FBXO25: variants seen among roughly 807,000 people sequenced by gnomAD.
FBXO25 encodes F-box only protein 25.
In FBXO25, 45 loss-of-function variants were observed where a neutral mutation model predicts 51.9. The ratio of observed to expected loss-of-function variants is 0.87; its 90% CI spans 0.68 to 1.11. The LOEUF (loss-of-function observed/expected upper bound fraction) is 1.11, where lower values mean the gene tolerates loss of function less well. Ranked by LOEUF, FBXO25 falls within the 50% of genes most tolerant of loss-of-function variation. FBXO25 has a pLI of 0.00. For missense variants in FBXO25, 507 were observed against 428.5 expected, an observed-to-expected ratio of 1.18 and a Z score of -1.62; for synonymous variants, 199 against 151.0, an observed-to-expected ratio of 1.32 and a Z score of -2.33.
At chr8:460,085 G>C (rs1799710474) in intron 8 of FBXO25, among the ~76,000 whole-genome samples, 2 of 152,252 alleles carry the variant, frequency 1.3e-5, no homozygotes, top group Admixed American at 1.3e-4. Context: ...TAGGAAAAGA[G>C]GTAAATGAAG....
In FBXO25 at chr8:433,083, A is replaced by T; in HGVS notation, c.288+148A>T. On this transcript the variant is annotated intron_variant, in intron 4 of 9. Transcript: ENST00000350302. ...GGTTCACATTCTGACAGATAATAGC[A>T]TATGAGGAGCTTTTGAGGCAGTGAT... 2.6e-6 allele frequency: 3 copies of T among 1,163,998 alleles called. 1 individual carries two copies. The highest frequency in any genetic ancestry group is 3.3e-5 in the South Asian group (2 of 61,138). The allele number at this position is 1,163,998 out of a possible 1,614,324, so 72.1% of individuals were successfully genotyped here. A position where few individuals can be genotyped will look rare whatever the true frequency, so the allele number is the denominator to read the frequency against.
At position 468,775 on chromosome 8, in the gene FBXO25, C is replaced by G; in HGVS notation, c.1048C>G (p.Gln350Glu). Residue 350 changes from glutamine to glutamate, a missense_variant, in exon 10 of 10, where the codon CAG becomes GAG. Transcript: ENST00000350302. ...CAGCTGCTTCACGCCTGTGTCTCCG[C>G]AGCACTTCATCGACCTCTTCAAGTT... ...PDSCFTPVSP[Q>E]HFIDLFKF 1 of 1,614,056 alleles carries G rather than the reference C, an allele frequency of 6.2e-7. No individual in the cohort carries two copies. Among genetic ancestry groups the G allele is most frequent in the Non-Finnish European group, 8.5e-7 (1 of 1,180,008 alleles).
chr8:425,876 G>A (rs1797442315), intron 2 of FBXO25, among the ~76,000 whole-genome samples: 1 of 148,976 alleles, frequency 6.7e-6, no homozygotes, highest in Non-Finnish European at 1.5e-5. Flanking sequence ...TGGTATTTAG[G>A]AGGGCTTTCT....
At chr8:462,077 G>T (rs1799852652) in intron 8 of FBXO25, among the ~76,000 whole-genome samples, 1 of 152,188 alleles carries the variant, frequency 6.6e-6, no homozygotes, top group South Asian at 2.1e-4. Flanking sequence ...TTGCCAGACT[G>T]TTTGCAAAGT....
chr8:444,370 T>TCCAA (rs1798611259), intron 5 of FBXO25, among the ~76,000 whole-genome samples: 1 of 152,214 alleles, frequency 6.6e-6, no homozygotes, highest in African/African-American at 2.4e-5. Context: ...TACTCCCAGA[T>TCCAA]CCAAGGGTGT....
intron 7 of FBXO25, among the ~76,000 whole-genome samples, chr8:454,964 A>G (rs1220513317): frequency 6.6e-6 from 1 of 152,080 alleles, no homozygotes; most frequent in African/African-American, 2.4e-5. Flanking sequence ...GTCAGTGCTT[A>G]ACAACTGGCT....
chr8:454,824 G>A (rs1252158004), intron 7 of FBXO25, among the ~76,000 whole-genome samples: 15 of 148,290 alleles, frequency 1.0e-4, no homozygotes, highest in African/African-American at 3.8e-4. Flanking sequence ...CCAGGAAGCA[G>A]AGGTTGCAGT....
chr8:468,198 C>T, intron 9 of FBXO25: 1 of 1,012,256 alleles, frequency 9.9e-7, no homozygotes, highest in Non-Finnish European at 1.2e-6. Flanking sequence ...GCATGGCCAG[C>T]TCCCTTGGAG....
At chr8:433,668 TA>T (rs762511648) in intron 4 of FBXO25, among the ~76,000 whole-genome samples, 4 of 152,196 alleles carry the variant, frequency 2.6e-5, no homozygotes, top group Non-Finnish European at 5.9e-5. Context: ...TTTATAGGCC[TA>T]GAAACTCTGC....
chr8:439,294 C>T (rs1027804969), intron 5 of FBXO25, among the ~76,000 whole-genome samples: 3 of 152,148 alleles, frequency 2.0e-5, no homozygotes, highest in African/African-American at 2.4e-5. Context: ...ACGAACAGCC[C>T]GAGGCTTGGG....
rs145862082 is a variant in FBXO25, at chr8:475,624, T to G, written c.*6820T>G. 2.6e-5 allele frequency: 4 copies of G among 152,204 alleles called. No individual in the cohort carries two copies. The highest frequency in any genetic ancestry group is 4.4e-5 in the Non-Finnish European group (3 of 68,022). The allele number at this position is 152,204 out of a possible 1,614,324, so 9.4% of individuals were successfully genotyped here. ...GTGTTTTATGGTTTTCAAGTACAAGTCTTTTGCTTCCTTAAGTTTATTCCT... is the reference window on the plus strand; with the variant it reads ...GTGTTTTATGGTTTTCAAGTACAAGGCTTTTGCTTCCTTAAGTTTATTCCT... On this transcript the variant is annotated 3_prime_UTR_variant, in exon 10 of 10. Coordinates refer to ENST00000350302, the MANE Select transcript of FBXO25 (RefSeq NM_183420.2).
chr8:413,074 A>G lies in FBXO25; in HGVS notation c.-6A>G. 1 of 1,494,938 alleles carries G rather than the reference A, an allele frequency of 6.7e-7. No individual in the cohort carries two copies. The highest frequency in any genetic ancestry group is 8.9e-7 in the Non-Finnish European group (1 of 1,124,766). The allele number at this position is 1,494,938 out of a possible 1,614,324, so 92.6% of individuals were successfully genotyped here. A position where few individuals can be genotyped will look rare whatever the true frequency, so the allele number is the denominator to read the frequency against. The stretch of plus-strand genomic sequence containing the variant: ...TAACATAATTTAACTTTTTCATAGG[A>G]GAACTATGCCATTTTTGGGTCAGGA... On this transcript the variant is annotated splice_region_variant and 5_prime_UTR_variant, in exon 2 of 10. Transcript: ENST00000350302.
At chr8:418,857 A>C (rs566383401) in intron 2 of FBXO25, among the ~76,000 whole-genome samples, 1 of 152,182 alleles carries the variant, frequency 6.6e-6, no homozygotes, top group African/African-American at 2.4e-5. Context: ...GTGAACCTCT[A>C]CTACTCACTC....
At position 431,333 on chromosome 8, in the gene FBXO25, T is replaced by C. The variant is rs759785381; in HGVS notation, c.135-8T>C. 5.1e-6 allele frequency: 7 copies of C among 1,367,024 alleles called. No individual in the cohort carries two copies. In the East Asian group the frequency reaches 1.2e-4, roughly 24 times the overall value. 84.7% of individuals were successfully genotyped at this position (1,367,024 alleles called of 1,614,324 possible). On this transcript the variant is annotated splice_polypyrimidine_tract_variant and splice_region_variant and intron_variant, in intron 2 of 9. Transcript: ENST00000350302. ...AAAATATTTTAATAGAATGTGTCTT[T>C]ATTTCAGTATCTTAAATAGTGAAGA...
rs1350901681 is a variant in FBXO25 at position 458,184 on chromosome 8, TCTC to T, written c.661-177_661-175del. On this transcript the variant is annotated intron_variant, in intron 7 of 9. Transcript: ENST00000350302. ...GTCACGCTGTGCAGCCCTCTCTTGC[TCTC>T]CTCCTCCAGCCTTCCCCACGGTGGT... 3.9e-5 allele frequency among the ~76,000 whole-genome samples: 6 copies of T among 152,298 alleles called. No individual in the cohort carries two copies. In the East Asian group the frequency reaches 9.6e-4, roughly 24 times the overall value.
chr8:453,268 C>G (rs1378614512), intron 7 of FBXO25, among the ~76,000 whole-genome samples: 1 of 152,170 alleles, frequency 6.6e-6, no homozygotes, highest in Non-Finnish European at 1.5e-5. Flanking sequence ...CCATCAGAGA[C>G]CTTGAACTTG....
chr8:436,975 G>C (rs538659235), intron 5 of FBXO25, among the ~76,000 whole-genome samples: 4 of 152,242 alleles, frequency 2.6e-5, no homozygotes, highest in African/African-American at 9.6e-5. Context: ...CTCTGGAGAA[G>C]GTGCGAGTAT....
At chr8:408,899 A>G (rs1796327272) in intron 1 of FBXO25, among the ~76,000 whole-genome samples, 1 of 152,208 alleles carries the variant, frequency 6.6e-6, no homozygotes, top group South Asian at 2.1e-4. Flanking sequence ...GCTTGCTCTT[A>G]AAAGTTTAAT....
Position 475,259 on chromosome 8 carries a change from A to G in FBXO25, c.*6455A>G. The stretch of plus-strand genomic sequence containing the variant: ...AAAAATCATTTGACCCATATGTGCA[A>G]GGGTTTATTTGGGGATTTGCTATTC... On this transcript the variant is annotated 3_prime_UTR_variant, in exon 10 of 10. Transcript: ENST00000350302. The G allele has an allele frequency of 4.2e-6, 1 of 237,410 alleles. No homozygotes were observed. Among genetic ancestry groups the G allele is most frequent in the Non-Finnish European group, 8.2e-6 (1 of 121,820 alleles). The allele number at this position is 237,410 out of a possible 1,614,324, so 14.7% of individuals were successfully genotyped here. A position where few individuals can be genotyped will look rare whatever the true frequency, so the allele number is the denominator to read the frequency against.
Sources: allele counts gnomAD v4.1 joint callset (sites outside exome capture counted in the v4.1 genomes callset), GRCh38; gene constraint gnomAD v4.1.1; transcripts MANE v1.5; gene names NCBI Gene and HGNC (gene_info 2026-07-23, HGNC 2026-07-21).